The following MCM3 variants were observed in gnomAD, a reference collection of about 807,000 sequenced individuals.
MCM3 encodes the protein DNA replication licensing factor MCM3.
Under a neutral mutation model 91.3 loss-of-function variants are expected in MCM3, and 59 were observed. That is an observed-to-expected ratio of 0.65 (90% CI 0.52 to 0.80). The LOEUF (loss-of-function observed/expected upper bound fraction) is 0.80, where lower values mean the gene tolerates loss of function less well. Ranked by LOEUF, MCM3 falls within the 30% of genes least tolerant of loss-of-function variation. MCM3 has a pLI of 0.00. For synonymous variants in MCM3, 383 were observed against 379.6 expected, an observed-to-expected ratio of 1.01 and a Z score of -0.10; for missense variants, 919 against 1,035.4, an observed-to-expected ratio of 0.89 and a Z score of 1.54.
intron 16 of MCM3, 56 bp from the exon 17 acceptor site, chr6:52,264,842 G>T: frequency 6.8e-7 from 1 of 1,470,354 alleles, no homozygotes; most frequent in Non-Finnish European, 9.5e-7. Context: ...ATGCTCTCAG[G>T]AAACAGCTAT....
intron 13 of MCM3, 100 bp downstream of exon 13, chr6:52,268,986 G>A: frequency 7.7e-7 from 1 of 1,304,240 alleles, no homozygotes; most frequent in East Asian, 2.4e-5. Flanking sequence ...GCTTTCTGTT[G>A]ACAATCCAAA....
rs150433204 is a variant in MCM3 at position 52,283,375 on chromosome 6, C to A, written c.110G>T (p.Arg37Leu). Residue 37 changes from arginine to leucine, a missense_variant, in exon 2 of 17, where the codon CGG (arginine) becomes CTG (leucine). Transcript: ENST00000596288. ...EDQGIYQSKV[R>L]ELISDNQYRL... ...GTATTGGTTGTCACTGATCAGCTCC[C>A]GAACTTTGCTCTGATAAATTCCCTG... The A allele has an allele frequency of 6.2e-7, 1 of 1,614,138 alleles. No individual in the cohort carries two copies. The highest frequency in any genetic ancestry group is 8.5e-7 in the Non-Finnish European group (1 of 1,179,998).
rs544301792 is a variant in MCM3 at position 52,270,433 on chromosome 6, G to A, written c.1828-1207C>T. Among the ~76,000 whole-genome samples the A allele has an allele frequency of 7.2e-5, 11 of 151,854 alleles. No homozygotes were observed. The East Asian group carries it at 1.7e-3, about 24-fold the overall frequency. On this transcript the variant is annotated intron_variant, in intron 12 of 16. Transcript: ENST00000596288. ...CACTGACGTATCCTGGTCACTTCTTGTTTCAAGTTTCCTAAATTACCATGT... is the reference window on the plus strand; with the variant it reads ...CACTGACGTATCCTGGTCACTTCTTATTTCAAGTTTCCTAAATTACCATGT...
At chr6:52,275,676 C>G (rs892245463) in intron 9 of MCM3, among the ~76,000 whole-genome samples, 1 of 152,092 alleles carries the variant, frequency 6.6e-6, no homozygotes, top group Non-Finnish European at 1.5e-5. Flanking sequence ...CACTAAATAC[C>G]CATCAGATGG....
At chr6:52,273,626 C>T in intron 10 of MCM3, 116 bp downstream of exon 10, 1 of 1,077,238 alleles carries the variant, frequency 9.3e-7, no homozygotes, top group Middle Eastern at 3.2e-4. Context: ...CAGTTGAGGG[C>T]TCTTCAACAT....
At chr6:52,264,877 A>G (rs1764520520) in intron 16 of MCM3, 91 bp from the exon 17 acceptor site, 2 of 1,042,272 alleles carry the variant, frequency 1.9e-6, no homozygotes, top group Non-Finnish European at 1.5e-6. Context: ...TAGTATTAAT[A>G]CAGTAGAGGC....
intron 2 of MCM3, 91 bp downstream of exon 2, chr6:52,283,203 T>C (rs925477832): frequency 7.6e-6 from 8 of 1,046,332 alleles, no homozygotes; most frequent in East Asian, 7.1e-5. Context: ...TCCTGTTTCA[T>C]ACAAGTCCTC....
intron 4 of MCM3, among the ~76,000 whole-genome samples, chr6:52,280,322 T>C (rs995870979): frequency 1.6e-4 from 25 of 152,378 alleles, no homozygotes; most frequent in Middle Eastern, 6.8e-3. Flanking sequence ...TGTACGTATA[T>C]TAAAGTTTTA....
intron 1 of MCM3, among the ~76,000 whole-genome samples, chr6:52,283,830 T>C (rs17239811): frequency 0.011 from 1,649 of 152,368 alleles, 16 homozygotes; most frequent in South Asian, 0.033. Flanking sequence ...TAGTAATCAT[T>C]TCACCATGTA....
In MCM3 at chr6:52,264,387, T is replaced by G; in HGVS notation, c.*201A>C. On this transcript the variant is annotated 3_prime_UTR_variant, in exon 17 of 17. Transcript: ENST00000596288. The stretch of plus-strand genomic sequence containing the variant: ...ATTGTCCTCTCCCACTGTCTCCTCT[T>G]TCCTCACCCCATGGCAGCTTTCATG... 1.7e-6 allele frequency: 1 copy of G among 576,176 alleles called. No individual in the cohort carries two copies. The highest frequency in any genetic ancestry group is 2.0e-5 in the South Asian group (1 of 49,888). The allele number at this position is 576,176 out of a possible 1,614,324, so 35.7% of individuals were successfully genotyped here.
chr6:52,274,089 C>A (rs1215488326), intron 9 of MCM3, among the ~76,000 whole-genome samples, 173 bp from the exon 10 acceptor site: 1 of 152,232 alleles, frequency 6.6e-6, no homozygotes, highest in African/African-American at 2.4e-5. Flanking sequence ...TAAATCATCT[C>A]TTCTACCTGC....
chr6:52,282,853 T>G lies in MCM3; in HGVS notation c.200A>C (p.Asn67Thr), dbSNP rs759376935. The G allele has an allele frequency of 6.2e-7, 1 of 1,613,904 alleles. No individual in the cohort carries two copies. Among genetic ancestry groups the G allele is most frequent in the Admixed American group, 1.7e-5 (1 of 60,008 alleles). Reference sequence around the variant, plus strand: ...GGCAACCAGCTCCTCAAAGGCATTGTTCAGAAGCCTGTACATAAGCAAGAG... The same window carrying G: ...GGCAACCAGCTCCTCAAAGGCATTGGTCAGAAGCCTGTACATAAGCAAGAG... ...KNEKRANRLLNNAFEELVAFQ... is the reference protein window; with the variant it reads ...KNEKRANRLLTNAFEELVAFQ... The change falls in exon 3 of 17, where the codon AAC becomes ACC. Residue 67 changes from asparagine (N) to threonine (T), a missense_variant. This residue lies in a region of MCM3 where 401 missense variants were observed against 402.7 expected (regional missense o/e 1.00). Coordinates refer to ENST00000596288, the MANE Select transcript of MCM3 (RefSeq NM_002388.6).
intron 10 of MCM3, 121 bp from the exon 11 acceptor site, chr6:52,273,477 T>A: frequency 2.2e-5 from 21 of 953,920 alleles, no homozygotes; most frequent in Middle Eastern, 2.9e-4. Flanking sequence ...CCAAAAAGAA[T>A]CAGACACATG....
rs756304539 is a variant in MCM3, at chr6:52,269,236, A to G, written c.1828-10T>C. On this transcript the variant is annotated splice_polypyrimidine_tract_variant and intron_variant, in intron 12 of 16. Transcript: ENST00000596288. ...CTGTAACTGGAGATGTCTAGGGAAG[A>G]AAAGGGAGGATTGCTTATCCCAAGT... is the stretch of plus-strand genomic sequence containing the variant. The G allele has an allele frequency of 1.1e-5, 17 of 1,602,572 alleles. No homozygotes were observed. In the East Asian group the frequency reaches 3.8e-4, roughly 36 times the overall value.
intron 14 of MCM3, among the ~76,000 whole-genome samples, chr6:52,267,009 G>A (rs1028894161): frequency 5.3e-5 from 8 of 151,254 alleles, no homozygotes; most frequent in African/African-American, 1.9e-4. Flanking sequence ...TTGGGTTGCT[G>A]TTCCTACTAT....
intron 12 of MCM3, among the ~76,000 whole-genome samples, chr6:52,271,308 G>A (rs185967855): frequency 6.6e-6 from 1 of 151,702 alleles, no homozygotes; most frequent in Admixed American, 6.6e-5. Flanking sequence ...GGGTCTTTCT[G>A]CTGTAAAATC....
intron 3 of MCM3, 32 bp from the exon 4 acceptor site, chr6:52,282,207 A>G (rs1581749243): frequency 6.2e-7 from 1 of 1,611,664 alleles, no homozygotes; most frequent in East Asian, 2.2e-5. Flanking sequence ...ATATAAACTC[A>G]CCCAACTAGA....
chr6:52,267,097 T>TTC (rs1491324098), intron 14 of MCM3, among the ~76,000 whole-genome samples: 2 of 49,966 alleles, frequency 4.0e-5, no homozygotes, highest in African/African-American at 1.1e-4. Flanking sequence ...GGGTATCTTC[T>TTC]TTTTTTTTTT....
intron 13 of MCM3, among the ~76,000 whole-genome samples, chr6:52,268,532 G>A (rs1764825011): frequency 1.3e-5 from 2 of 152,184 alleles, no homozygotes; most frequent in South Asian, 4.1e-4. Flanking sequence ...TCACCAGACT[G>A]GGGTGGGAGT....
Sources: allele counts gnomAD v4.1 joint callset (sites outside exome capture counted in the v4.1 genomes callset), GRCh38; gene constraint gnomAD v4.1.1; regional missense constraint gnomAD v4.1.1; transcripts MANE v1.5; gene names NCBI Gene and HGNC (gene_info 2026-07-23, HGNC 2026-07-21).